Variants in RGS8 observed in about 807,000 individuals in gnomAD.
RGS8 encodes the protein regulator of G-protein signaling 8.
A neutral mutation model predicts 21.7 loss-of-function variants in RGS8; 8 were observed. The observed-to-expected ratio is 0.37, with a 90% CI of 0.22 to 0.66. RGS8 has a LOEUF of 0.66. RGS8 is among the 30% of genes least tolerant of loss of function. The probability of loss-of-function intolerance (pLI) is 0.59; values close to 1 mark genes in which losing one functional copy is unlikely to be tolerated. For synonymous variants in RGS8, 80 were observed against 83.6 expected, an observed-to-expected ratio of 0.96 and a Z score of 0.24; for missense variants, 157 against 217.9, an observed-to-expected ratio of 0.72 and a Z score of 1.76.
At chr1:182,674,062 A>T (rs1233646346), upstream of RGS8, among the ~76,000 whole-genome samples, 1 of 152,202 alleles carries the variant, frequency 6.6e-6, no homozygotes, top group Non-Finnish European at 1.5e-5. Flanking sequence ...TCTAGCACCA[A>T]ACCTGATGCT....
At chr1:182,700,043 C>G in the RGS8 span, among the ~76,000 whole-genome samples, 1 of 152,208 alleles carries the variant, frequency 6.6e-6, no homozygotes, top group South Asian at 2.1e-4. Context: ...CAGGGCGAAG[C>G]CTGTGAAGAG....
At chr1:182,700,370 A>G in the RGS8 span, among the ~76,000 whole-genome samples, 21 of 152,314 alleles carry the variant, frequency 1.4e-4, no homozygotes, top group African/African-American at 4.6e-4. Flanking sequence ...ACGCTAGTCT[A>G]CAGTGTGTTA....
the RGS8 span, among the ~76,000 whole-genome samples, chr1:182,721,063 G>GTA: frequency 0.012 from 900 of 72,458 alleles, 15 homozygotes; most frequent in Non-Finnish European, 0.017. Flanking sequence ...ATATATGTGT[G>GTA]TATATATACA....
chr1:182,712,896 G>A, the RGS8 span: 1 of 152,188 alleles, frequency 6.6e-6, no homozygotes, highest in African/African-American at 2.4e-5. Context: ...CAGGTAAAGG[G>A]GAGACTGGGG....
intron 3 of RGS8, 29 bp downstream of exon 4, chr1:182,669,595 G>A (rs1664050611): frequency 1.7e-5 from 27 of 1,614,082 alleles, no homozygotes; most frequent in Non-Finnish European, 2.2e-5. Context: ...AAGGGTCAGG[G>A]GCAAGAAAAC....
the RGS8 span, among the ~76,000 whole-genome samples, chr1:182,738,869 G>A: frequency 6.6e-6 from 1 of 152,178 alleles, no homozygotes; most frequent in African/African-American, 2.4e-5. Context: ...TGGAGAGCTG[G>A]GGAGGCAGTT....
At chr1:182,690,662 T>C in the RGS8 span, among the ~76,000 whole-genome samples, 1 of 152,198 alleles carries the variant, frequency 6.6e-6, no homozygotes, top group Non-Finnish European at 1.5e-5. Flanking sequence ...TGAAATAAAT[T>C]GTTAAGTAGT....
At chr1:182,722,176 CA>C in the RGS8 span, among the ~76,000 whole-genome samples, 3 of 143,212 alleles carry the variant, frequency 2.1e-5, no homozygotes, top group East Asian at 6.0e-4. Flanking sequence ...GCAAAGTTGC[CA>C]AAAAAAAGGA....
downstream of RGS8, chr1:182,644,049 C>T (rs1286252057): frequency 6.6e-6 from 1 of 152,512 alleles, no homozygotes; most frequent in Admixed American, 6.5e-5. Flanking sequence ...AAGTGATACC[C>T]AAGGACATGG....
chr1:182,738,711 A>G, the RGS8 span, among the ~76,000 whole-genome samples: 4 of 152,240 alleles, frequency 2.6e-5, no homozygotes, highest in Admixed American at 2.6e-4. Context: ...AGTCAGTGAA[A>G]CATCTATTGA....
At chr1:182,652,419 C>G (rs1663064416) in intron 5 of RGS8, among the ~76,000 whole-genome samples, 1 of 152,236 alleles carries the variant, frequency 6.6e-6, no homozygotes, top group Non-Finnish European at 1.5e-5. Context: ...GTAGAGATAA[C>G]TTCTGCAAAG....
chr1:182,742,269 A>T, the RGS8 span, among the ~76,000 whole-genome samples: 1 of 150,384 alleles, frequency 6.6e-6, no homozygotes, highest in Non-Finnish European at 1.5e-5. Context: ...GCAGCCAGGC[A>T]GAGGGGCTCC....
At chr1:182,728,992 G>A in the RGS8 span, among the ~76,000 whole-genome samples, 1 of 152,150 alleles carries the variant, frequency 6.6e-6, no homozygotes, top group Non-Finnish European at 1.5e-5. Flanking sequence ...ACCCCATCCT[G>A]TACATGTAAA....
chr1:182,742,745 G>GAC, the RGS8 span, among the ~76,000 whole-genome samples: 49 of 151,484 alleles, frequency 3.2e-4, no homozygotes, highest in Non-Finnish European at 4.7e-4. Context: ...GAGGGAGAGG[G>GAC]AGAGGGACAG....
At chr1:182,728,068 G>C in the RGS8 span, among the ~76,000 whole-genome samples, 1 of 152,022 alleles carries the variant, frequency 6.6e-6, no homozygotes, top group Non-Finnish European at 1.5e-5. Flanking sequence ...TCATTTTACA[G>C]AAATTGTTAC....
the RGS8 span, among the ~76,000 whole-genome samples, chr1:182,729,075 T>C: frequency 3.9e-5 from 6 of 152,234 alleles, no homozygotes; most frequent in East Asian, 7.7e-4. Flanking sequence ...ACCTGCTTCT[T>C]TTACGAGGCT....
At chr1:182,672,163 TA>T (rs1664200076), upstream of RGS8, 1 of 177,816 alleles carries the variant, frequency 5.6e-6, no homozygotes, top group Admixed American at 5.6e-5. Context: ...ACCAGTGAGC[TA>T]AAAATCAAGT....
At chr1:182,740,959 TAC>T in the RGS8 span, among the ~76,000 whole-genome samples, 1 of 152,078 alleles carries the variant, frequency 6.6e-6, no homozygotes, top group African/African-American at 2.4e-5. Flanking sequence ...TACCTCTTTC[TAC>T]ACAGACACGG....
the RGS8 span, among the ~76,000 whole-genome samples, chr1:182,741,165 C>T: frequency 1.4e-5 from 2 of 147,406 alleles, no homozygotes; most frequent in African/African-American, 2.5e-5. Context: ...CCGGACGGGG[C>T]GGCTGGCCGG....
Sources: gnomAD v4.1 joint callset for allele counts (sites outside exome capture counted in the v4.1 genomes callset) on GRCh38, gnomAD v4.1.1 for gene constraint, MANE v1.5 for transcripts, NCBI Gene and HGNC (gene_info 2026-07-23, HGNC 2026-07-21) for gene names.